ZMAT4: variants seen among roughly 807,000 people sequenced by gnomAD.
ZMAT4 encodes the protein zinc finger matrin-type 4, also known as zinc finger matrin-type protein 4.
ZMAT4 carries 17 observed loss-of-function variants against 28.7 expected under a neutral mutation model. The observed-to-expected ratio is 0.59, with a 90% CI of 0.41 to 0.89. The LOEUF (loss-of-function observed/expected upper bound fraction) is 0.89, where lower values mean the gene tolerates loss of function less well. Among genes scored for constraint, ZMAT4 ranks in the 40% least tolerant of loss-of-function variants. The pLI is 0.00. For missense variants in ZMAT4, 240 were observed against 283.8 expected (o/e 0.85, Z 1.11); for synonymous variants, 117 against 109.2 (o/e 1.07, Z -0.44).
chr8:40,633,361 A>C (rs1219841008), intron 5 of ZMAT4, among the ~76,000 whole-genome samples: 1 of 152,190 alleles, frequency 6.6e-6, no homozygotes, highest in African/African-American at 2.4e-5. Context: ...GATAAGTGGG[A>C]AACCCATTAA....
At chr8:40,815,373 G>A (rs1210804986) in intron 2 of ZMAT4, among the ~76,000 whole-genome samples, 1 of 152,186 alleles carries the variant, frequency 6.6e-6, no homozygotes, top group Non-Finnish European at 1.5e-5. Flanking sequence ...TTTGGTTGCT[G>A]GATGTGACCA....
intron 5 of ZMAT4, among the ~76,000 whole-genome samples, chr8:40,587,135 A>G (rs1359923121): frequency 6.6e-6 from 1 of 152,068 alleles, no homozygotes; most frequent in Non-Finnish European, 1.5e-5. Context: ...AAGGAAAAAC[A>G]AACAGAAAAC....
At chr8:40,790,039 T>C (rs58127684) in intron 2 of ZMAT4, among the ~76,000 whole-genome samples, 19,309 of 152,072 alleles carry the variant, frequency 0.13, 1,758 homozygotes, top group East Asian at 0.37. Context: ...AGTCAAGGCA[T>C]ACATGATTCC....
chr8:40,555,985 C>T (rs1803521226), intron 6 of ZMAT4, among the ~76,000 whole-genome samples: 1 of 152,174 alleles, frequency 6.6e-6, no homozygotes, highest in Admixed American at 6.6e-5. Flanking sequence ...CCATATTTCT[C>T]CTTTGCGTTT....
At chr8:40,801,385 C>T (rs896775394) in intron 2 of ZMAT4, among the ~76,000 whole-genome samples, 23 of 113,096 alleles carry the variant, frequency 2.0e-4, no homozygotes, top group African/African-American at 7.1e-4. Context: ...TATATATATT[C>T]GGTGGGGTGC....
chr8:40,755,945 T>A (rs879676952), intron 3 of ZMAT4, among the ~76,000 whole-genome samples: 1 of 152,174 alleles, frequency 6.6e-6, no homozygotes, highest in African/African-American at 2.4e-5. Context: ...TCGCATCTAT[T>A]GATTTTCTAA....
At chr8:40,840,618 T>A (rs1449191930) in intron 1 of ZMAT4, among the ~76,000 whole-genome samples, 1 of 152,162 alleles carries the variant, frequency 6.6e-6, no homozygotes, top group Non-Finnish European at 1.5e-5. Context: ...AGAGAGCAGA[T>A]CCATTCCCAA....
chr8:40,557,497 C>T (rs1803583612), intron 6 of ZMAT4, among the ~76,000 whole-genome samples: 1 of 152,104 alleles, frequency 6.6e-6, no homozygotes. Flanking sequence ...TATAAATCAG[C>T]CTTTACTTAT....
At chr8:40,625,727 G>C (rs1806350204) in intron 5 of ZMAT4, among the ~76,000 whole-genome samples, 1 of 152,178 alleles carries the variant, frequency 6.6e-6, no homozygotes, top group Admixed American at 6.5e-5. Context: ...ACCAGGCACA[G>C]ATGTAGAGCA....
At chr8:40,551,219 T>G (rs1271413684) in intron 6 of ZMAT4, among the ~76,000 whole-genome samples, 2 of 152,124 alleles carry the variant, frequency 1.3e-5, no homozygotes, top group African/African-American at 4.8e-5. Context: ...ATGAATGAAT[T>G]AATGTTTACT....
At chr8:40,566,021 T>G (rs1010094211) in intron 6 of ZMAT4, among the ~76,000 whole-genome samples, 8 of 152,136 alleles carry the variant, frequency 5.3e-5, no homozygotes, top group Admixed American at 2.6e-4. Flanking sequence ...ACCTGAGCAT[T>G]TTAAGGACAA....
chr8:40,630,510 G>A (rs1304059703), intron 5 of ZMAT4, among the ~76,000 whole-genome samples: 2 of 152,150 alleles, frequency 1.3e-5, no homozygotes. Context: ...ATTTAAGCAT[G>A]GACATCATCA....
intron 2 of ZMAT4, among the ~76,000 whole-genome samples, chr8:40,808,759 A>G (rs1371414642): frequency 6.6e-6 from 1 of 152,024 alleles, no homozygotes; most frequent in African/African-American, 2.4e-5. Context: ...GATGTCAGAG[A>G]AAATCTCCAA....
At chr8:40,879,068 G>A (rs140675790) in intron 1 of ZMAT4, among the ~76,000 whole-genome samples, 64 of 152,240 alleles carry the variant, frequency 4.2e-4, no homozygotes, top group African/African-American at 1.5e-3. Flanking sequence ...ACGAGGACAG[G>A]CAATGCACTG....
intron 3 of ZMAT4, among the ~76,000 whole-genome samples, chr8:40,712,812 C>G (rs938521427): frequency 2.0e-5 from 3 of 152,108 alleles, no homozygotes; most frequent in Non-Finnish European, 2.9e-5. Context: ...GGCATTGCCC[C>G]AGAAGCAGTG....
intron 2 of ZMAT4, among the ~76,000 whole-genome samples, chr8:40,801,351 A>ATAT (rs1554559738): frequency 2.1e-3 from 201 of 97,254 alleles, no homozygotes; most frequent in Middle Eastern, 6.8e-3. Context: ...TAAAAAAAAA[A>ATAT]ATATATATAT....
At chr8:40,763,991 A>C (rs4999666) in intron 3 of ZMAT4, among the ~76,000 whole-genome samples, 9,737 of 152,176 alleles carry the variant, frequency 0.064, 710 homozygotes, top group East Asian at 0.38. Context: ...ACACACACAA[A>C]AAAAAAACCC....
intron 6 of ZMAT4, among the ~76,000 whole-genome samples, chr8:40,553,662 T>C (rs1803436064): frequency 6.6e-6 from 1 of 152,122 alleles, no homozygotes; most frequent in South Asian, 2.1e-4. Flanking sequence ...ATTACTATTC[T>C]CCATTGTATA....
In ZMAT4 at chr8:40,781,761, CAAAAAAAAAAAAAAA is replaced by C. The variant is rs59432510; in HGVS notation, c.103-14046_103-14032del. On this transcript the variant is annotated intron_variant, in intron 2 of 6. Coordinates refer to ENST00000297737, the MANE Select transcript of ZMAT4 (RefSeq NM_024645.3). ...TGGGCAACAGAGCGAGACTCCGTCTCAAAAAAAAAAAAAAAAAAAAAAAAAAAAAAGAAAAGAATC... is the reference window on the plus strand; with the variant it reads ...TGGGCAACAGAGCGAGACTCCGTCTCAAAAAAAAAAAAAAAGAAAAGAATC... 1.6e-4 allele frequency among the ~76,000 whole-genome samples: 6 copies of C among 38,514 alleles called. 1 individual carries two copies. The highest frequency in any genetic ancestry group is 1.0e-3 in the South Asian group (1 of 978). 25.3% of individuals were successfully genotyped at this position (38,514 alleles called of 152,430 possible).
Sources: allele counts gnomAD v4.1 joint callset (sites outside exome capture counted in the v4.1 genomes callset), GRCh38; gene constraint gnomAD v4.1.1; transcripts MANE v1.5; gene names NCBI Gene and HGNC (gene_info 2026-07-23, HGNC 2026-07-21).